Variants in KPNA5 observed in about 807,000 individuals in gnomAD.
The protein encoded by KPNA5 is importin subunit alpha-6.
In KPNA5, 46 loss-of-function variants were observed where a neutral mutation model predicts 71.3. That is an observed-to-expected ratio of 0.65 (90% confidence interval 0.51 to 0.83). KPNA5 has a LOEUF of 0.83. Among genes scored for constraint, KPNA5 ranks in the 40% least tolerant of loss-of-function variants. KPNA5 has a pLI of 0.00. For missense variants in KPNA5, 547 were observed against 628.3 expected, an observed-to-expected ratio of 0.87 and a Z score of 1.38; for synonymous variants, 207 against 201.4, an observed-to-expected ratio of 1.03 and a Z score of -0.24.
chr6:116,719,344 G>A (rs541728685), intron 8 of KPNA5, among the ~76,000 whole-genome samples: 50 of 152,094 alleles, frequency 3.3e-4, no homozygotes, highest in Non-Finnish European at 4.0e-4. Flanking sequence ...AACAAATTTC[G>A]GAAGAAACTA....
At chr6:116,682,833 A>G (rs1777414209) in intron 1 of KPNA5, among the ~76,000 whole-genome samples, 2 of 152,178 alleles carry the variant, frequency 1.3e-5, no homozygotes. Flanking sequence ...CAGCCTTTAA[A>G]TTTATTTTTC....
intron 3 of KPNA5, 52 bp from the exon 4 acceptor site, chr6:116,692,241 T>G (rs933898650): frequency 1.4e-6 from 2 of 1,437,824 alleles, no homozygotes; most frequent in African/African-American, 2.9e-5. Context: ...CATGCAAAAT[T>G]ATTCATGTAA....
intron 4 of KPNA5, among the ~76,000 whole-genome samples, chr6:116,696,201 T>C (rs956594605): frequency 2.0e-5 from 3 of 152,190 alleles, no homozygotes; most frequent in Non-Finnish European, 4.4e-5. Context: ...TGTTTCTTCT[T>C]TGTAATGGAA....
intron 5 of KPNA5, among the ~76,000 whole-genome samples, chr6:116,700,073 A>G (rs773088346): frequency 6.6e-6 from 1 of 152,180 alleles, no homozygotes; most frequent in Non-Finnish European, 1.5e-5. Flanking sequence ...AGACTTCACA[A>G]AGGTAGTGTT....
At chr6:116,704,354 A>G (rs1335864541) in intron 6 of KPNA5, among the ~76,000 whole-genome samples, 2 of 152,028 alleles carry the variant, frequency 1.3e-5, no homozygotes, top group African/African-American at 4.8e-5. Flanking sequence ...AGACAATTGT[A>G]TATACAGTGG....
Position 116,735,031 on chromosome 6 carries a change from AT to A in KPNA5, c.*2711del, listed in dbSNP as rs1385966672. The stretch of plus-strand genomic sequence containing the variant: ...ATCTATGCAATTATGCTTGTTTTAT[AT>A]TTATAAGCACTTGACTCACTGGGTG... On this transcript the variant is annotated 3_prime_UTR_variant, in exon 14 of 14. Coordinates refer to ENST00000368564, the MANE Select transcript of KPNA5 (RefSeq NM_001366306.2). The A allele has an allele frequency of 4.0e-5, 6 of 151,670 alleles. No individual in the cohort carries two copies. The highest frequency in any genetic ancestry group is 4.4e-5 in the Non-Finnish European group (3 of 67,742). The allele number at this position is 151,670 out of a possible 1,614,324, so 9.4% of individuals were successfully genotyped here. A position where few individuals can be genotyped will look rare whatever the true frequency, so the allele number is the denominator to read the frequency against.
At chr6:116,729,778 T>G (rs1485738994) in intron 13 of KPNA5, 37 bp downstream of exon 13, 3 of 1,258,220 alleles carry the variant, frequency 2.4e-6, no homozygotes, top group African/African-American at 1.5e-5. Flanking sequence ...TTATAGTCAG[T>G]TCTTATATCT....
In KPNA5 at chr6:116,736,027, T is replaced by G. The variant is rs1425286759; in HGVS notation, c.*3704T>G. 6.6e-6 allele frequency: 1 copy of G among 151,640 alleles called. No homozygotes were observed. The highest frequency in any genetic ancestry group is 2.4e-5 in the African/African-American group (1 of 41,370). 9.4% of individuals were successfully genotyped at this position (151,640 alleles called of 1,614,324 possible). ...ATACCATGCTATCACAAATCAAAAG[T>G]AAGTTGGGGTGGCCATATAATGCAT... On this transcript the variant is annotated 3_prime_UTR_variant, in exon 14 of 14. Coordinates refer to ENST00000368564, the MANE Select transcript of KPNA5 (RefSeq NM_001366306.2).
At chr6:116,706,815 T>C (rs1168717683) in intron 7 of KPNA5, among the ~76,000 whole-genome samples, 3 of 151,948 alleles carry the variant, frequency 2.0e-5, no homozygotes, top group African/African-American at 7.3e-5. Context: ...TAAAAGGAAG[T>C]TAAGTTAGAT....
In KPNA5 at chr6:116,739,944, C is replaced by T. The variant is rs1173419539; in HGVS notation, c.*7621C>T. The T allele has an allele frequency of 6.6e-6, 1 of 151,986 alleles. No homozygotes were observed. The highest frequency in any genetic ancestry group is 6.6e-5 in the Admixed American group (1 of 15,254). The allele number at this position is 151,986 out of a possible 1,614,324, so 9.4% of individuals were successfully genotyped here. A position where few individuals can be genotyped will look rare whatever the true frequency, so the allele number is the denominator to read the frequency against. On this transcript the variant is annotated 3_prime_UTR_variant, in exon 14 of 14. Transcript: ENST00000368564. ...TTCAGGACATAGGGATGGGCAAGGA[C>T]TTCATGTCTAAAACACCAAAAGCAA...
intron 2 of KPNA5, 50 bp from the exon 3 acceptor site, chr6:116,692,005 T>G: frequency 8.6e-7 from 1 of 1,166,016 alleles, no homozygotes; most frequent in Non-Finnish European, 1.3e-6. Flanking sequence ...TATGGCAACT[T>G]AATGTTTTAT....
chr6:116,707,172 AAAAT>A (rs1376406557), intron 7 of KPNA5, among the ~76,000 whole-genome samples: 53 of 152,286 alleles, frequency 3.5e-4, no homozygotes, highest in African/African-American at 1.2e-3. Context: ...TCAAAAAAAA[AAAAT>A]GATTATGCAT....
chr6:116,726,174 A>G (rs1455708076), intron 11 of KPNA5, among the ~76,000 whole-genome samples: 1 of 151,990 alleles, frequency 6.6e-6, no homozygotes, highest in Non-Finnish European at 1.5e-5. Context: ...TCTTCCTCTC[A>G]AAGCTTTTAA....
At chr6:116,685,576 T>C (rs1777545384) in intron 1 of KPNA5, among the ~76,000 whole-genome samples, 1 of 152,228 alleles carries the variant, frequency 6.6e-6, no homozygotes, top group Admixed American at 6.5e-5. Context: ...CTAAGGATAA[T>C]GTCCTCTAGC....
At chr6:116,703,032 GAGC>G (rs996137103) in intron 6 of KPNA5, among the ~76,000 whole-genome samples, 9 of 151,616 alleles carry the variant, frequency 5.9e-5, no homozygotes, top group African/African-American at 1.9e-4. Flanking sequence ...CTAATATTGG[GAGC>G]CTTTTTTTAT....
intron 4 of KPNA5, among the ~76,000 whole-genome samples, chr6:116,697,880 C>T (rs1778084579): frequency 6.6e-6 from 1 of 151,926 alleles, no homozygotes; most frequent in African/African-American, 2.4e-5. Flanking sequence ...ATCTTATAGT[C>T]ACTTAGGAAT....
chr6:116,727,628 G>A (rs1779337090), intron 12 of KPNA5, among the ~76,000 whole-genome samples: 1 of 152,022 alleles, frequency 6.6e-6, no homozygotes, highest in Non-Finnish European at 1.5e-5. Context: ...CGATGAAACC[G>A]AGGGACTGTA....
At chr6:116,722,313 A>G in intron 9 of KPNA5, 24 bp downstream of exon 9, 1 of 1,552,806 alleles carries the variant, frequency 6.4e-7, no homozygotes, top group Non-Finnish European at 8.8e-7. Flanking sequence ...ATTTATGCTT[A>G]ATAATTGTAT....
intron 4 of KPNA5, among the ~76,000 whole-genome samples, chr6:116,695,848 A>T (rs567696927): frequency 3.3e-5 from 5 of 152,170 alleles, no homozygotes; most frequent in Non-Finnish European, 7.4e-5. Flanking sequence ...CATACATGTC[A>T]TACTGATAAC....
Sources: allele counts gnomAD v4.1 joint callset (sites outside exome capture counted in the v4.1 genomes callset), GRCh38; gene constraint gnomAD v4.1.1; transcripts MANE v1.5; gene names NCBI Gene and HGNC (gene_info 2026-07-23, HGNC 2026-07-21).